The following SRSF10 variants were observed in gnomAD, a reference collection of about 807,000 sequenced individuals.
SRSF10 encodes the protein serine/arginine-rich splicing factor 10.
Under a neutral mutation model 32.6 loss-of-function variants are expected in SRSF10, and 9 were observed. The ratio of observed to expected loss-of-function variants is 0.28; its 90% confidence interval spans 0.17 to 0.48. The LOEUF is 0.48. SRSF10 is among the 20% of genes least tolerant of loss of function. The pLI, the probability that SRSF10 is intolerant of heterozygous loss-of-function variation, is 0.99. For missense variants in SRSF10, 201 were observed against 331.8 expected (o/e 0.61, Z 3.06); for synonymous variants, 105 against 112.4 (o/e 0.93, Z 0.42).
chr1:23,969,786 A>G lies in SRSF10; in HGVS notation c.*1356T>C, dbSNP rs1641635503. 1.0e-6 allele frequency: 1 copy of G among 985,306 alleles called. No homozygotes were observed. The highest frequency in any genetic ancestry group is 1.7e-5 in the African/African-American group (1 of 57,252). The allele number at this position is 985,306 out of a possible 1,614,324, so 61.0% of individuals were successfully genotyped here. A position where few individuals can be genotyped will look rare whatever the true frequency, so the allele number is the denominator to read the frequency against. On this transcript the variant is annotated 3_prime_UTR_variant, in exon 6 of 6. Transcript: ENST00000492112. ...GTACTACACTGATAATCGAAAGCTC[A>G]AAAGATGTGACTCTTGCTTAAAACT...
rs1641484635 is a variant in SRSF10, at chr1:23,966,972, ATTTACTGAATAAGGGAATTATCTAT to A, written c.*4145_*4169del. The stretch of plus-strand genomic sequence containing the variant: ...ATTCACTAGATTGTGCTCAGTAGAC[ATTTACTGAATAAGGGAATTATCTAT>A]TTTTCTCAATTATCCAGTACAATGA... On this transcript the variant is annotated 3_prime_UTR_variant, in exon 6 of 6. Coordinates refer to ENST00000492112, the MANE Select transcript of SRSF10 (RefSeq NM_054016.4). The A allele has an allele frequency of 6.6e-6, 1 of 152,118 alleles. No individual in the cohort carries two copies. The highest frequency in any genetic ancestry group is 1.5e-5 in the Non-Finnish European group (1 of 67,960). The allele number at this position is 152,118 out of a possible 1,614,324, so 9.4% of individuals were successfully genotyped here. A position where few individuals can be genotyped will look rare whatever the true frequency, so the allele number is the denominator to read the frequency against.
At chr1:23,972,502 G>A (rs111362398) in intron 3 of SRSF10, among the ~76,000 whole-genome samples, 232 of 151,816 alleles carry the variant, frequency 1.5e-3, no homozygotes, top group African/African-American at 5.4e-3. Flanking sequence ...ATGCAGTGGC[G>A]CAATCTCAAC....
chr1:23,978,914 A>T (rs2148513537), intron 1 of SRSF10, 97 bp from the exon 2 acceptor site: 1 of 1,081,748 alleles, frequency 9.2e-7, no homozygotes, highest in East Asian at 2.4e-5. Context: ...GGATCCAAGA[A>T]TTTGGAAGAT....
rs1641535103 is a variant in SRSF10 at position 23,967,962 on chromosome 1, A to C, written c.*3180T>G. 1 of 358,214 alleles carries C rather than the reference A, an allele frequency of 2.8e-6. No individual in the cohort carries two copies. The highest frequency in any genetic ancestry group is 4.3e-6 in the Non-Finnish European group (1 of 231,086). 22.2% of individuals were successfully genotyped at this position (358,214 alleles called of 1,614,324 possible). A position where few individuals can be genotyped will look rare whatever the true frequency, so the allele number is the denominator to read the frequency against. ...TTTTCTTCTTGCTTACTTGGCTTCA[A>C]AAAAAAAAAAAAAATGCAGAGAGAT... On this transcript the variant is annotated 3_prime_UTR_variant, in exon 6 of 6. Transcript: ENST00000492112.
Position 23,970,970 on chromosome 1 carries a change from A to G in SRSF10, c.*172T>C, listed in dbSNP as rs1464495689. 2 of 1,397,232 alleles carry G rather than the reference A, an allele frequency of 1.4e-6. No individual in the cohort carries two copies. The highest frequency in any genetic ancestry group is 3.0e-5 in the Admixed American group (1 of 33,334). 86.6% of individuals were successfully genotyped at this position (1,397,232 alleles called of 1,614,324 possible). A position where few individuals can be genotyped will look rare whatever the true frequency, so the allele number is the denominator to read the frequency against. ...ATAACATTAAACAAACTGGACTCTT[A>G]AGAGTGGCTTCTCAACAGCATATCA... On this transcript the variant is annotated 3_prime_UTR_variant, in exon 6 of 6. Coordinates refer to ENST00000492112, the MANE Select transcript of SRSF10 (RefSeq NM_054016.4).
chr1:23,976,115 G>A (rs1408023503), intron 2 of SRSF10: 1 of 152,186 alleles, frequency 6.6e-6, no homozygotes, highest in East Asian at 1.9e-4. Context: ...GCTAGGTTAG[G>A]TACAGGTATA....
intron 2 of SRSF10, chr1:23,977,606 G>A (rs1642169410): frequency 6.6e-6 from 1 of 152,166 alleles, no homozygotes. Flanking sequence ...CCTTTAAGCA[G>A]GGCTCTGTGG....
rs1177045174 is a variant in SRSF10 at position 23,970,484 on chromosome 1, C to T, written c.*658G>A. On this transcript the variant is annotated 3_prime_UTR_variant, in exon 6 of 6. Coordinates refer to ENST00000492112, the MANE Select transcript of SRSF10 (RefSeq NM_054016.4). Reference sequence around the variant, plus strand: ...CAAGCGATTCTCTTGCCTCAGCCTCCTGAGTAGCTGAGATTACAGGCATGT... The same window carrying T: ...CAAGCGATTCTCTTGCCTCAGCCTCTTGAGTAGCTGAGATTACAGGCATGT... 3.6e-6 allele frequency: 2 copies of T among 551,240 alleles called. No homozygotes were observed. The highest frequency in any genetic ancestry group is 2.1e-5 in the African/African-American group (1 of 48,624). 34.1% of individuals were successfully genotyped at this position (551,240 alleles called of 1,614,324 possible). A position where few individuals can be genotyped will look rare whatever the true frequency, so the allele number is the denominator to read the frequency against.
At chr1:23,977,766 C>T (rs1208500277) in intron 2 of SRSF10, 14 of 334,488 alleles carry the variant, frequency 4.2e-5, no homozygotes, top group South Asian at 3.7e-4. Flanking sequence ...AGTGCATTTA[C>T]ACAAGACCAC....
At position 23,971,301 on chromosome 1, in the gene SRSF10, T is replaced by C. The variant is rs1641740418; in HGVS notation, c.630A>G (p.Lys210=). The part of the protein sequence containing the change: ...ASHTKTRGTS[K]TDSKTHYKSG... ...ACTTATAATGTGTTTTGGAATCTGT[T>C]TTAGAGGTGCCTCTAGTTTTGGTGT... Residue 210 remains lysine (K), a synonymous_variant, in exon 6 of 6, where the codon AAA becomes AAG. Coordinates refer to ENST00000492112, the MANE Select transcript of SRSF10 (RefSeq NM_054016.4). 4.3e-6 allele frequency: 7 copies of C among 1,613,546 alleles called. No individual in the cohort carries two copies. In the African/African-American group the frequency reaches 6.7e-5, roughly 15 times the overall value.
Position 23,969,566 on chromosome 1 carries a change from A to C in SRSF10, c.*1576T>G, listed in dbSNP as rs1277584000. The C allele has an allele frequency of 1.0e-6, 1 of 985,180 alleles. No individual in the cohort carries two copies. Among genetic ancestry groups the C allele is most frequent in the African/African-American group, 1.7e-5 (1 of 57,242 alleles). The allele number at this position is 985,180 out of a possible 1,614,324, so 61.0% of individuals were successfully genotyped here. On this transcript the variant is annotated 3_prime_UTR_variant, in exon 6 of 6. Transcript: ENST00000492112. ...ACTAAAACCGAAATTGAAAAAAGTAATCCTCTAAAAGGAATCGTTTGTCCA... is the reference window on the plus strand; with the variant it reads ...ACTAAAACCGAAATTGAAAAAAGTACTCCTCTAAAAGGAATCGTTTGTCCA...
intron 2 of SRSF10, 122 bp downstream of exon 2, chr1:23,978,591 A>C (rs1045956738): frequency 1.0e-5 from 13 of 1,287,312 alleles, no homozygotes; most frequent in Non-Finnish European, 9.2e-6. Flanking sequence ...AATTTTCAAA[A>C]ATTTGAAGAC....
intron 1 of SRSF10, among the ~76,000 whole-genome samples, chr1:23,979,485 G>C (rs944065231): frequency 6.6e-6 from 1 of 152,232 alleles, no homozygotes; most frequent in Middle Eastern, 3.4e-3. Context: ...AAGGCAACTC[G>C]AAACAAGGGA....
At chr1:23,980,060 C>T (rs1570799634) in intron 1 of SRSF10, 131 bp downstream of exon 1, 2 of 1,036,208 alleles carry the variant, frequency 1.9e-6, no homozygotes, top group Admixed American at 2.9e-5. Context: ...CCTAGTTCGG[C>T]GCCAAAGCGG....
rs1641459745 is a variant in SRSF10, at chr1:23,966,547, T to C, written c.*4595A>G. 6.6e-6 allele frequency: 1 copy of C among 152,040 alleles called. No homozygotes were observed. The allele number at this position is 152,040 out of a possible 1,614,324, so 9.4% of individuals were successfully genotyped here. On this transcript the variant is annotated 3_prime_UTR_variant, in exon 6 of 6. Coordinates refer to ENST00000492112, the MANE Select transcript of SRSF10 (RefSeq NM_054016.4). ...AAAGTATAATTTGGTGAACATTTTC[T>C]CAATTACAGAACATACTAAATCAGT...
intron 2 of SRSF10, chr1:23,975,976 A>C (rs1231681954): frequency 1.3e-5 from 2 of 152,330 alleles, no homozygotes; most frequent in Middle Eastern, 3.4e-3. Context: ...GTCAGCAATA[A>C]TACTACGAGA....
chr1:23,971,549 CT>C, intron 5 of SRSF10, 23 bp downstream of exon 5: 1 of 1,604,660 alleles, frequency 6.2e-7, no homozygotes, highest in Non-Finnish European at 8.5e-7. Context: ...ATACATGAGT[CT>C]TTTTCAAAGC....
rs754422201 is a variant in SRSF10, at chr1:23,967,919, T to G, written c.*3223A>C. 1 of 1,546,478 alleles carries G rather than the reference T, an allele frequency of 6.5e-7. No individual in the cohort carries two copies. On this transcript the variant is annotated 3_prime_UTR_variant, in exon 6 of 6. Transcript: ENST00000492112. ...CTATGTAGCACCTTTCCTCTCTCAC[T>G]GAAGCATTATCTCTCATTTTTCTTC...
At position 23,975,065 on chromosome 1, in the gene SRSF10, A is replaced by G. The variant is rs1484947290; in HGVS notation, c.183T>C (p.Val61=). The change falls in exon 3 of 6, where the codon GTT becomes GTC. Residue 61 remains valine, a synonymous_variant. Transcript: ENST00000492112. ...RGFAYVQFED[V]RDAEDALHNL... ...TATGTAAAGCGTCTTCAGCATCACG[A>G]ACATCCTCAAATGTGCTAAATGTTA... 4 of 1,613,790 alleles carry G rather than the reference A, an allele frequency of 2.5e-6. No homozygotes were observed. Among genetic ancestry groups the G allele is most frequent in the Non-Finnish European group, 3.4e-6 (4 of 1,179,848 alleles).
Sources: allele counts gnomAD v4.1 joint callset (sites outside exome capture counted in the v4.1 genomes callset), GRCh38; gene constraint gnomAD v4.1.1; transcripts MANE v1.5; gene names NCBI Gene and HGNC (gene_info 2026-07-23, HGNC 2026-07-21).